The following RPH3A variants were observed in gnomAD, a reference collection of about 807,000 sequenced individuals.
RPH3A encodes rabphilin 3A.
RPH3A carries 48 observed loss-of-function variants against 102.2 expected under a neutral mutation model. That is an observed-to-expected ratio of 0.47 (90% confidence interval 0.37 to 0.60). The LOEUF is 0.60. Among genes scored for constraint, RPH3A ranks in the 20% least tolerant of loss-of-function variants. The probability of loss-of-function intolerance (pLI) is 0.00; values close to 1 mark genes in which losing one functional copy is unlikely to be tolerated. For missense variants in RPH3A, 781 were observed against 910.1 expected (o/e 0.86, Z 1.83); for synonymous variants, 310 against 324.3 (o/e 0.96, Z 0.47).
chr12:112,774,934 C>T (rs1354704430), intron 1 of RPH3A, among the ~76,000 whole-genome samples: 1 of 151,080 alleles, frequency 6.6e-6, no homozygotes, highest in Non-Finnish European at 1.5e-5. Flanking sequence ...AACAAACCTG[C>T]CCAGCCTACA....
chr12:112,750,554 C>G (rs1177116279), intron 1 of RPH3A, among the ~76,000 whole-genome samples: 1 of 152,276 alleles, frequency 6.6e-6, no homozygotes, highest in Non-Finnish European at 1.5e-5. Flanking sequence ...TTCCCTGATA[C>G]TTCTCCTTGA....
intron 1 of RPH3A, among the ~76,000 whole-genome samples, chr12:112,777,402 A>C (rs2040975679): frequency 6.6e-6 from 1 of 152,198 alleles, no homozygotes. Context: ...CTCTTAATAA[A>C]AGAGCAAGTC....
At chr12:112,790,436 A>G (rs2041086794), upstream of RPH3A, among the ~76,000 whole-genome samples, 1 of 152,206 alleles carries the variant, frequency 6.6e-6, no homozygotes. Context: ...CATGGGGAGA[A>G]GTAAGTGACA....
At chr12:112,812,451 A>G (rs545124718) in intron 2 of RPH3A, among the ~76,000 whole-genome samples, 1 of 152,338 alleles carries the variant, frequency 6.6e-6, no homozygotes, top group South Asian at 2.1e-4. Flanking sequence ...GAAAGAATGG[A>G]TTGAAGAAGG....
intron 5 of RPH3A, among the ~76,000 whole-genome samples, chr12:112,861,840 C>T (rs1337392032): frequency 6.6e-6 from 1 of 151,898 alleles, no homozygotes; most frequent in East Asian, 1.9e-4. Context: ...AGTGAAACCC[C>T]GTCTCTACTA....
At chr12:112,747,245 A>G (rs147819282) in intron 1 of RPH3A, among the ~76,000 whole-genome samples, 213 of 152,254 alleles carry the variant, frequency 1.4e-3, no homozygotes, top group African/African-American at 5.0e-3. Flanking sequence ...TGGTTAGGTC[A>G]TGGACTGGAG....
At chr12:112,759,436 C>A (rs538626063) in intron 1 of RPH3A, among the ~76,000 whole-genome samples, 3 of 152,264 alleles carry the variant, frequency 2.0e-5, no homozygotes, top group African/African-American at 7.2e-5. Context: ...TTGGACTGAT[C>A]CGCCACTCAG....
At chr12:112,783,451 G>GTCAC (rs2136079402) in intron 1 of RPH3A, among the ~76,000 whole-genome samples, 1 of 152,164 alleles carries the variant, frequency 6.6e-6, no homozygotes, top group Non-Finnish European at 1.5e-5. Flanking sequence ...TGCCACACTT[G>GTCAC]TCACACTCCT....
At chr12:112,820,461 G>A (rs931299473) in intron 2 of RPH3A, among the ~76,000 whole-genome samples, 1 of 152,114 alleles carries the variant, frequency 6.6e-6, no homozygotes, top group Non-Finnish European at 1.5e-5. Context: ...AGATCTGCCG[G>A]TCGCTGGCTG....
At chr12:112,787,647 T>A (rs1023159340), upstream of RPH3A, among the ~76,000 whole-genome samples, 2 of 152,190 alleles carry the variant, frequency 1.3e-5, no homozygotes, top group African/African-American at 4.8e-5. Flanking sequence ...GGGTCTTGGT[T>A]CAAATTCCAG....
At chr12:112,792,721 G>C (rs1025012644) in intron 2 of RPH3A, among the ~76,000 whole-genome samples, 2 of 152,218 alleles carry the variant, frequency 1.3e-5, no homozygotes, top group African/African-American at 4.8e-5. Flanking sequence ...GGCACACTGG[G>C]TAAGATTTGC....
At chr12:112,893,502 T>C (rs2043132689) in intron 19 of RPH3A, 1 of 152,218 alleles carries the variant, frequency 6.6e-6, no homozygotes, top group Admixed American at 6.5e-5. Flanking sequence ...CAGGAAATAT[T>C]TTGTTTTGTT....
intron 2 of RPH3A, among the ~76,000 whole-genome samples, chr12:112,803,453 C>T (rs1469093039): frequency 6.6e-6 from 1 of 151,826 alleles, no homozygotes; most frequent in Non-Finnish European, 1.5e-5. Context: ...CATGACTGAC[C>T]TCCTTCAAAC....
chr12:112,677,284 G>A (rs2040182819), intron 1 of RPH3A, among the ~76,000 whole-genome samples: 1 of 151,686 alleles, frequency 6.6e-6, no homozygotes, highest in Admixed American at 6.6e-5. Flanking sequence ...GGGACCCAGT[G>A]TCAAGAGCTT....
chr12:112,879,446 A>G (rs1212641340), intron 14 of RPH3A, among the ~76,000 whole-genome samples: 1 of 152,210 alleles, frequency 6.6e-6, no homozygotes, highest in East Asian at 1.9e-4. Flanking sequence ...CTGGGCTTCA[A>G]GAGCAGAGTT....
intron 2 of RPH3A, among the ~76,000 whole-genome samples, chr12:112,824,179 G>A (rs2041828686): frequency 6.6e-6 from 1 of 152,212 alleles, no homozygotes; most frequent in South Asian, 2.1e-4. Flanking sequence ...CCTGAAGTCT[G>A]GCCTCAGCCC....
chr12:112,828,318 T>A lies in RPH3A; in HGVS notation c.-1T>A, dbSNP rs142412254. ...TTTTCCAGGAGCACTAGACATCTACTATGACTGACACCGTGTTCAGCAACA... is the reference window on the plus strand; with the variant it reads ...TTTTCCAGGAGCACTAGACATCTACAATGACTGACACCGTGTTCAGCAACA... On this transcript the variant is annotated 5_prime_UTR_variant, in exon 3 of 22. Transcript: ENST00000389385. The A allele has an allele frequency of 6.3e-5, 102 of 1,611,550 alleles. No individual in the cohort carries two copies. Among genetic ancestry groups the A allele is most frequent in the Non-Finnish European group, 8.7e-5 (102 of 1,178,726 alleles).
At chr12:112,582,453 A>G (rs2039406682) in intron 1 of RPH3A, among the ~76,000 whole-genome samples, 2 of 145,996 alleles carry the variant, frequency 1.4e-5, no homozygotes. Context: ...CTTGAAAAAT[A>G]TATATTTTTT....
intron 1 of RPH3A, among the ~76,000 whole-genome samples, chr12:112,733,783 C>A (rs2040650215): frequency 6.6e-6 from 1 of 152,210 alleles, no homozygotes. Flanking sequence ...GAACCCAGCA[C>A]AGAGTGGGCA....
Sources: gnomAD v4.1 joint callset for allele counts (sites outside exome capture counted in the v4.1 genomes callset) on GRCh38, gnomAD v4.1.1 for gene constraint, MANE v1.5 for transcripts, NCBI Gene and HGNC (gene_info 2026-07-23, HGNC 2026-07-21) for gene names.